TENM3: variants seen among roughly 807,000 people sequenced by gnomAD.
TENM3 encodes the protein teneurin-3.
A neutral mutation model predicts 255.1 loss-of-function variants in TENM3; 63 were observed. The ratio of observed to expected loss-of-function variants is 0.25; its 90% CI spans 0.20 to 0.30. The LOEUF (loss-of-function observed/expected upper bound fraction) is 0.30. Among genes scored for constraint, TENM3 ranks in the 10% least tolerant of loss-of-function variants. The probability of loss-of-function intolerance (pLI) is 1.00; values close to 1 mark genes in which losing one functional copy is unlikely to be tolerated. For missense variants in TENM3, 2,929 were observed against 3,461.1 expected (o/e 0.85, Z 3.86); for synonymous variants, 1,306 against 1,322.3 (o/e 0.99, Z 0.27).
At chr4:182,487,057 G>A (rs369817904) in intron 3 of TENM3, among the ~76,000 whole-genome samples, 5 of 152,128 alleles carry the variant, frequency 3.3e-5, no homozygotes, top group Non-Finnish European at 5.9e-5. Flanking sequence ...CTGAATGTCA[G>A]CAGTGTTAAA....
chr4:181,682,720 A>T, the TENM3 span, among the ~76,000 whole-genome samples: 4 of 152,306 alleles, frequency 2.6e-5, no homozygotes, highest in Admixed American at 6.5e-5. Context: ...ATTAAATTTT[A>T]AAAAATAGGG....
In TENM3 at chr4:182,346,695, A is replaced by T. The variant is rs768583336; in HGVS notation, c.277A>T (p.Thr93Ser). The T allele has an allele frequency of 6.2e-6, 10 of 1,613,784 alleles. No homozygotes were observed. The highest frequency in any genetic ancestry group is 1.7e-5 in the Admixed American group (1 of 60,006). Residue 93 changes from threonine to serine, a missense_variant, in exon 3 of 28, where the codon ACT becomes TCT. Coordinates refer to ENST00000511685, the MANE Select transcript of TENM3 (RefSeq NM_001080477.4). ...GCAGTTAGGAGTTTGTGAACCAGCA[A>T]CTCGAAGAGGACTGGCATTTTGTGC... ...LRQLGVCEPA[T>S]RRGLAFCAEM...
chr4:182,346,119 G>A (rs1764789310), intron 2 of TENM3, among the ~76,000 whole-genome samples: 1 of 148,430 alleles, frequency 6.7e-6, no homozygotes, highest in African/African-American at 2.5e-5. Flanking sequence ...AAAATACTAC[G>A]TGTTATGTTG....
chr4:181,928,786 T>A, the TENM3 span, among the ~76,000 whole-genome samples: 24 of 152,220 alleles, frequency 1.6e-4, no homozygotes, highest in South Asian at 5.0e-3. Context: ...GCGAGTAAGA[T>A]CGGGTTACCC....
chr4:182,563,807 A>C (rs1334718491), intron 3 of TENM3, among the ~76,000 whole-genome samples: 2 of 152,210 alleles, frequency 1.3e-5, no homozygotes, highest in Non-Finnish European at 2.9e-5. Flanking sequence ...TATCCTAATA[A>C]TGCCTAACAT....
intron 3 of TENM3, among the ~76,000 whole-genome samples, chr4:182,384,741 TC>T (rs2150941896): frequency 6.6e-6 from 1 of 152,188 alleles, no homozygotes; most frequent in South Asian, 2.1e-4. Flanking sequence ...GCTTGCTCCC[TC>T]CTCTAATTAC....
chr4:182,553,019 A>G (rs1742206698), intron 3 of TENM3, among the ~76,000 whole-genome samples: 1 of 152,160 alleles, frequency 6.6e-6, no homozygotes, highest in Admixed American at 6.5e-5. Flanking sequence ...TAAAAAGCAA[A>G]TGGTCACAGC....
chr4:181,648,051 G>A, the TENM3 span, among the ~76,000 whole-genome samples: 1 of 152,152 alleles, frequency 6.6e-6, no homozygotes, highest in Admixed American at 6.5e-5. Context: ...GGGATGGGGA[G>A]AAATTTCCCC....
At chr4:182,250,254 G>T (rs940370616) in intron 1 of TENM3, among the ~76,000 whole-genome samples, 3 of 149,238 alleles carry the variant, frequency 2.0e-5, no homozygotes, top group South Asian at 4.2e-4. Flanking sequence ...GGGTTTCACT[G>T]TGTTAGCCAG....
chr4:181,734,778 G>A, the TENM3 span, among the ~76,000 whole-genome samples: 1 of 152,078 alleles, frequency 6.6e-6, no homozygotes, highest in South Asian at 2.1e-4. Flanking sequence ...CTTAACTCTT[G>A]GTAAGGAGTG....
the TENM3 span, among the ~76,000 whole-genome samples, chr4:181,664,481 A>AAG: frequency 7.8e-6 from 1 of 128,328 alleles, no homozygotes; most frequent in Non-Finnish European, 1.7e-5. Flanking sequence ...AAAAATAAAA[A>AAG]AAAACAAAAC....
intron 24 of TENM3, among the ~76,000 whole-genome samples, chr4:182,775,954 G>C (rs1764653661): frequency 6.8e-6 from 1 of 146,388 alleles, no homozygotes; most frequent in African/African-American, 2.6e-5. Flanking sequence ...GAGATATGTA[G>C]ATGATAGATA....
the TENM3 span, among the ~76,000 whole-genome samples, chr4:181,987,846 G>T: frequency 5.9e-5 from 9 of 152,010 alleles, no homozygotes; most frequent in Non-Finnish European, 1.0e-4. Context: ...AAGGGCAGAA[G>T]GAGGACATTG....
the TENM3 span, among the ~76,000 whole-genome samples, chr4:181,584,608 C>T: frequency 6.6e-6 from 1 of 152,174 alleles, no homozygotes; most frequent in African/African-American, 2.4e-5. Context: ...CTTGACATTT[C>T]TTCTACGGTC....
intron 1 of TENM3, among the ~76,000 whole-genome samples, chr4:182,160,658 A>G (rs1377661144): frequency 1.3e-5 from 2 of 152,224 alleles, no homozygotes; most frequent in Non-Finnish European, 2.9e-5. Context: ...GGAAGAGTAG[A>G]ATGGTGGTTA....
At chr4:182,046,397 T>C in the TENM3 span, among the ~76,000 whole-genome samples, 1 of 151,994 alleles carries the variant, frequency 6.6e-6, no homozygotes, top group Non-Finnish European at 1.5e-5. Context: ...ATCTGTAAAC[T>C]AATGCTCAAC....
chr4:182,743,463 GCCTCTTT>G, intron 19 of TENM3, 44 bp downstream of exon 19: 4 of 1,591,674 alleles, frequency 2.5e-6, no homozygotes, highest in Admixed American at 3.4e-5. Flanking sequence ...AGCTAAACGT[GCCTCTTT>G]AAAAAAAAGG....
the TENM3 span, among the ~76,000 whole-genome samples, chr4:182,056,506 A>T: frequency 6.6e-6 from 1 of 152,016 alleles, no homozygotes; most frequent in Non-Finnish European, 1.5e-5. Context: ...TCATCTACCC[A>T]CCTCTGAGAG....
At chr4:181,820,587 C>G in the TENM3 span, among the ~76,000 whole-genome samples, 1 of 151,982 alleles carries the variant, frequency 6.6e-6, no homozygotes, top group Non-Finnish European at 1.5e-5. Flanking sequence ...CACCATGTGC[C>G]GTGGCTCACA....
Sources: gnomAD v4.1 joint callset for allele counts (sites outside exome capture counted in the v4.1 genomes callset) on GRCh38, gnomAD v4.1.1 for gene constraint, MANE v1.5 for transcripts, NCBI Gene and HGNC (gene_info 2026-07-23, HGNC 2026-07-21) for gene names.